PTGER3: variants seen among roughly 807,000 people sequenced by gnomAD.
PTGER3 encodes the protein prostaglandin E2 receptor EP3 subtype.
In PTGER3, 22 loss-of-function variants were observed where a neutral mutation model predicts 34.7. The ratio of observed to expected loss-of-function variants is 0.63; its 90% CI spans 0.45 to 0.91. The LOEUF (loss-of-function observed/expected upper bound fraction) is 0.91. PTGER3 is among the 40% of genes least tolerant of loss of function. The pLI is 0.00. For synonymous variants in PTGER3, 241 were observed against 230.1 expected (o/e 1.05, Z -0.43); for missense variants, 468 against 519.4 (o/e 0.90, Z 0.96).
At chr1:71,030,250 C>T (rs1272514354) in intron 1 of PTGER3, among the ~76,000 whole-genome samples, 1 of 152,092 alleles carries the variant, frequency 6.6e-6, no homozygotes, top group East Asian at 1.9e-4. Context: ...TAGTAACATG[C>T]CTGAATTCCA....
rs569776106 is a variant in PTGER3, at chr1:71,012,958, G to A, written c.898-474C>T. 2.9e-3 allele frequency among the ~76,000 whole-genome samples: 448 copies of A among 151,954 alleles called. 4 individuals carry two copies. The highest frequency in any genetic ancestry group is 0.01 in the African/African-American group (419 of 41,406). Reference sequence around the variant, plus strand: ...ATTATTATTATTATTATTGCCACTAGCATTTTCAGAATCCTTACTATTTAG... The same window carrying A: ...ATTATTATTATTATTATTGCCACTAACATTTTCAGAATCCTTACTATTTAG... On this transcript the variant is annotated intron_variant, in intron 1 of 3. Coordinates refer to ENST00000306666, the MANE Select transcript of PTGER3 (RefSeq NM_198719.2).
chr1:70,902,672 G>A (rs1646864668), intron 4 of PTGER3, among the ~76,000 whole-genome samples: 1 of 152,310 alleles, frequency 6.6e-6, no homozygotes, highest in Admixed American at 6.5e-5. Flanking sequence ...GGCATCAAAG[G>A]AATTGCACAG....
At chr1:70,895,128 A>C (rs1646698200) in intron 4 of PTGER3, among the ~76,000 whole-genome samples, 1 of 152,224 alleles carries the variant, frequency 6.6e-6, no homozygotes, top group African/African-American at 2.4e-5. Context: ...ACCAGGAGCA[A>C]GAGCATAGCA....
At chr1:70,998,845 G>A (rs184271651) in intron 2 of PTGER3, among the ~76,000 whole-genome samples, 8 of 152,220 alleles carry the variant, frequency 5.3e-5, no homozygotes, top group Admixed American at 2.6e-4. Context: ...AGGGAACGAC[G>A]ATGGTGCTTA....
chr1:70,994,698 C>T (rs1362078289), intron 2 of PTGER3, among the ~76,000 whole-genome samples: 1 of 152,080 alleles, frequency 6.6e-6, no homozygotes, highest in Non-Finnish European at 1.5e-5. Context: ...CCTTGCGATC[C>T]ACCCCCCTCA....
At chr1:71,008,489 T>A (rs2100841947) in intron 2 of PTGER3, 1 of 919,496 alleles carries the variant, frequency 1.1e-6, no homozygotes, top group Middle Eastern at 5.6e-4. Flanking sequence ...TCTTTTATCA[T>A]CATCACCACC....
intron 4 of PTGER3, among the ~76,000 whole-genome samples, chr1:70,882,236 C>T (rs1158752408): frequency 1.3e-5 from 2 of 151,820 alleles, no homozygotes; most frequent in African/African-American, 2.4e-5. Flanking sequence ...TGTGTGGTGT[C>T]ACCCACCCTA....
At chr1:70,951,582 G>A (rs181324273), downstream of PTGER3, 2 of 152,244 alleles carry the variant, frequency 1.3e-5, no homozygotes, top group Non-Finnish European at 1.5e-5. Context: ...GAGATTGATT[G>A]GGCAGCACTG....
chr1:70,962,228 G>T (rs1464219753), intron 2 of PTGER3, among the ~76,000 whole-genome samples: 2 of 152,218 alleles, frequency 1.3e-5, no homozygotes, highest in Admixed American at 6.5e-5. Context: ...TTGAAGAAAT[G>T]TGGGGTCAGG....
chr1:71,018,466 T>G (rs1658111636), intron 1 of PTGER3, among the ~76,000 whole-genome samples: 1 of 152,170 alleles, frequency 6.6e-6, no homozygotes. Flanking sequence ...AAAAAAAGCT[T>G]ATTAATCCCT....
chr1:71,008,424 T>A (rs1306145929), intron 2 of PTGER3: 5 of 882,952 alleles, frequency 5.7e-6, no homozygotes, highest in Non-Finnish European at 6.8e-6. Context: ...TTAAATAGAA[T>A]CTTCATTTTA....
At chr1:71,029,526 ATT>A (rs1659218042) in intron 1 of PTGER3, among the ~76,000 whole-genome samples, 1 of 152,222 alleles carries the variant, frequency 6.6e-6, no homozygotes, top group Admixed American at 6.5e-5. Flanking sequence ...TAAAATAAGC[ATT>A]TGTCTATTGT....
At chr1:70,957,419 T>C (rs1339783328) in intron 2 of PTGER3, among the ~76,000 whole-genome samples, 1 of 152,192 alleles carries the variant, frequency 6.6e-6, no homozygotes, top group African/African-American at 2.4e-5. Flanking sequence ...TCATTTAAAA[T>C]CCATTATGAA....
At chr1:70,901,273 T>C (rs1316206566) in intron 4 of PTGER3, among the ~76,000 whole-genome samples, 1 of 152,166 alleles carries the variant, frequency 6.6e-6, no homozygotes, top group African/African-American at 2.4e-5. Flanking sequence ...AGAGTGGGAC[T>C]AAAGGAGCTG....
Position 70,870,319 on chromosome 1 carries a change from C to T in PTGER3, c.*24-17460G>A, listed in dbSNP as rs138665581. Among the ~76,000 whole-genome samples, 507 of 152,316 alleles carry T rather than the reference C, an allele frequency of 3.3e-3. 1 individual carries two copies. Among genetic ancestry groups the T allele is most frequent in the Non-Finnish European group, 5.5e-3 (372 of 68,028 alleles). ...GAGCCCTGGGCCTGGCCCACAAAAT[C>T]ATTCTTCCTTCCTAGGTCTTTGATC... On this transcript the variant is annotated intron_variant, in intron 4 of 4. Transcript: ENST00000370931.
rs370128234 is a variant in PTGER3 at position 71,047,330 on chromosome 1, T to G, written c.248A>C (p.Lys83Thr). Residue 83 changes from lysine to threonine, a missense_variant, in exon 1 of 4, where the codon AAG becomes ACG. Lys to Thr is a moderately conservative substitution (Grantham distance 78, BLOSUM62 -1). This residue lies in a region of PTGER3 where 151 missense variants were observed against 133.5 expected (regional missense o/e 1.13). Coordinates refer to ENST00000306666, the MANE Select transcript of PTGER3 (RefSeq NM_198719.2). ...GCACAGCAGGAAGGACTTCTTGCGCTTGCTCTCCCGGCGCCGGTAGCTGCG... is the reference window on the plus strand; with the variant it reads ...GCACAGCAGGAAGGACTTCTTGCGCGTGCTCTCCCGGCGCCGGTAGCTGCG... ...VSRSYRRRES[K>T]RKKSFLLCIG... 39 of 1,607,036 alleles carry G rather than the reference T, an allele frequency of 2.4e-5. No homozygotes were observed. Among genetic ancestry groups the G allele is most frequent in the Non-Finnish European group, 2.5e-6 (3 of 1,177,538 alleles).
At chr1:70,933,085 T>C (rs184788598) in intron 4 of PTGER3, among the ~76,000 whole-genome samples, 41 of 152,308 alleles carry the variant, frequency 2.7e-4, no homozygotes, top group African/African-American at 9.1e-4. Context: ...AACTAGACCA[T>C]GAGCTCCTAA....
intron 4 of PTGER3, among the ~76,000 whole-genome samples, chr1:70,911,108 T>C (rs1433950640): frequency 6.6e-6 from 1 of 151,020 alleles, no homozygotes; most frequent in Non-Finnish European, 1.5e-5. Context: ...TAATTAACCA[T>C]AACAAATACC....
At chr1:70,993,478 T>C (rs1277399284) in intron 2 of PTGER3, among the ~76,000 whole-genome samples, 1 of 152,228 alleles carries the variant, frequency 6.6e-6, no homozygotes, top group African/African-American at 2.4e-5. Flanking sequence ...GTCTACATTT[T>C]GTACAGTTAG....
Sources: gnomAD v4.1 joint callset for allele counts (sites outside exome capture counted in the v4.1 genomes callset) on GRCh38, gnomAD v4.1.1 for gene constraint, gnomAD v4.1.1 regional missense constraint, MANE v1.5 for transcripts, NCBI Gene and HGNC (gene_info 2026-07-23, HGNC 2026-07-21) for gene names.